The following RBFOX1 variants were observed in gnomAD, a reference collection of about 807,000 sequenced individuals.
The protein encoded by RBFOX1 is RNA binding fox-1 homolog 1.
RBFOX1 carries 8 observed loss-of-function variants against 57.7 expected under a neutral mutation model. The ratio of observed to expected loss-of-function variants is 0.14; its 90% CI spans 0.08 to 0.25. The LOEUF is 0.25. Among genes scored for constraint, RBFOX1 ranks in the 10% least tolerant of loss-of-function variants. The probability of loss-of-function intolerance (pLI) is 1.00; values close to 1 mark genes in which losing one functional copy is unlikely to be tolerated. For missense variants in RBFOX1, 611 were observed against 548.5 expected (o/e 1.11, Z -1.14); for synonymous variants, 326 against 222.4 (o/e 1.47, Z -4.15).
intron 3 of RBFOX1, among the ~76,000 whole-genome samples, chr16:6,951,593 C>T (rs926362926): frequency 6.6e-6 from 1 of 152,090 alleles, no homozygotes; most frequent in East Asian, 1.9e-4. Context: ...ACCTTGTTCT[C>T]ATCTCTCCAT....
chr16:6,839,218 C>G lies in RBFOX1; in HGVS notation c.-16+184568C>G, dbSNP rs1159705582. On this transcript the variant is annotated intron_variant, in intron 3 of 15. Transcript: ENST00000550418. ...CAGGCTGTTCTCGAATTCCTGACCT[C>G]AAGTGATCCACCCGCCTCAGCCCCC... Among the ~76,000 whole-genome samples the G allele has an allele frequency of 3.3e-5, 5 of 152,112 alleles. No individual in the cohort carries two copies. The East Asian group carries it at 7.8e-4, about 24-fold the overall frequency.
chr16:6,431,337 G>A (rs2226119), intron 2 of RBFOX1, among the ~76,000 whole-genome samples: 9,002 of 151,912 alleles, frequency 0.059, 855 homozygotes, highest in African/African-American at 0.2. Flanking sequence ...GAGGCAGGTG[G>A]ATGGCAACAG....
Position 5,758,677 on chromosome 16 carries a change from A to G in RBFOX1, c.319-108626A>G, listed in dbSNP as rs143187407. Among the ~76,000 whole-genome samples, 1,359 of 152,300 alleles carry G rather than the reference A, an allele frequency of 8.9e-3. 5 individuals are homozygous for G. Among genetic ancestry groups the G allele is most frequent in the Middle Eastern group, 0.014 (4 of 294 alleles). On this transcript the variant is annotated intron_variant, in intron 3 of 19. Coordinates refer to the RBFOX1 transcript ENST00000641259. ...GAGCACAGTTCTGGTGATCACTAATAAAGAAATGATGTGTTGTAAGTACAA... is the reference window on the plus strand; with the variant it reads ...GAGCACAGTTCTGGTGATCACTAATGAAGAAATGATGTGTTGTAAGTACAA...
At chr16:6,445,665 C>T (rs1051710451) in intron 2 of RBFOX1, among the ~76,000 whole-genome samples, 1 of 151,692 alleles carries the variant, frequency 6.6e-6, no homozygotes, top group South Asian at 2.1e-4. Flanking sequence ...TCACAGCAAC[C>T]TCCACCCCCT....
At chr16:7,464,266 T>C (rs11077179) in intron 4 of RBFOX1, among the ~76,000 whole-genome samples, 83,703 of 152,088 alleles carry the variant, frequency 0.55, 23,364 homozygotes, top group East Asian at 0.76. Flanking sequence ...AGTTTAGCCA[T>C]TGGAGCTCCC....
At chr16:6,772,064 T>C (rs73528875) in intron 3 of RBFOX1, among the ~76,000 whole-genome samples, 69 of 152,286 alleles carry the variant, frequency 4.5e-4, no homozygotes, top group African/African-American at 1.6e-3. Context: ...AGGTGCTGTA[T>C]GATTTCTGTG....
At chr16:5,300,992 C>A (rs184308046) in intron 1 of RBFOX1, among the ~76,000 whole-genome samples, 113 of 152,284 alleles carry the variant, frequency 7.4e-4, no homozygotes, top group Admixed American at 7.4e-3. Flanking sequence ...GTAGGTAGCG[C>A]TCAAAGTGGC....
chr16:6,518,848 TGTC>T (rs1166102243), intron 2 of RBFOX1, among the ~76,000 whole-genome samples: 5 of 52,990 alleles, frequency 9.4e-5, no homozygotes, highest in Non-Finnish European at 2.1e-4. Context: ...TCTATCTATC[TGTC>T]TTCCTGCAGA....
chr16:6,098,386 C>T (rs773739883), intron 1 of RBFOX1, among the ~76,000 whole-genome samples: 1 of 152,216 alleles, frequency 6.6e-6, no homozygotes, highest in Non-Finnish European at 1.5e-5. Context: ...CCTGTTAAGC[C>T]TCTTCCTGTC....
At chr16:5,979,810 C>T (rs1048982376) in intron 4 of RBFOX1, among the ~76,000 whole-genome samples, 9 of 151,882 alleles carry the variant, frequency 5.9e-5, no homozygotes, top group African/African-American at 2.2e-4. Flanking sequence ...TGCAGTGCGC[C>T]GAGATCGTAC....
At chr16:5,800,689 T>C (rs999089624) in intron 3 of RBFOX1, among the ~76,000 whole-genome samples, 1 of 152,096 alleles carries the variant, frequency 6.6e-6, no homozygotes, top group Non-Finnish European at 1.5e-5. Flanking sequence ...AGGAATAAAG[T>C]GTTGTCCCTG....
chr16:7,019,384 A>C (rs1597168256), intron 3 of RBFOX1, among the ~76,000 whole-genome samples: 2 of 152,154 alleles, frequency 1.3e-5, no homozygotes, highest in Middle Eastern at 3.4e-3. Context: ...GACTTCATGA[A>C]AGTATGTGTG....
At chr16:7,345,062 A>G (rs2096968960) in intron 4 of RBFOX1, among the ~76,000 whole-genome samples, 1 of 152,172 alleles carries the variant, frequency 6.6e-6, no homozygotes, top group Non-Finnish European at 1.5e-5. Context: ...CACTGCTGGG[A>G]CTGGGTCTTG....
intron 2 of RBFOX1, among the ~76,000 whole-genome samples, chr16:5,531,685 G>A (rs2151035460): frequency 6.6e-6 from 1 of 152,304 alleles, no homozygotes; most frequent in African/African-American, 2.4e-5. Flanking sequence ...ATGTGTTTAA[G>A]GTACTCAAAG....
At chr16:5,966,091 T>A (rs2059838464) in intron 4 of RBFOX1, among the ~76,000 whole-genome samples, 1 of 152,228 alleles carries the variant, frequency 6.6e-6, no homozygotes, top group South Asian at 2.1e-4. Flanking sequence ...TTTTTTCAGA[T>A]GTACTATATT....
chr16:7,449,626 C>T (rs11644672), intron 4 of RBFOX1, among the ~76,000 whole-genome samples: 2 of 150,936 alleles, frequency 1.3e-5, no homozygotes, highest in African/African-American at 4.9e-5. Flanking sequence ...CTGCACATCC[C>T]CAGTGCCTGA....
intron 1 of RBFOX1, among the ~76,000 whole-genome samples, chr16:5,444,511 C>T (rs138805421): frequency 0.012 from 1,896 of 152,260 alleles, 29 homozygotes; most frequent in South Asian, 0.015. Flanking sequence ...GTCAGCTCTG[C>T]GGAACTGGCC....
intron 4 of RBFOX1, among the ~76,000 whole-genome samples, chr16:7,138,843 C>A (rs1054875059): frequency 4.6e-5 from 7 of 152,196 alleles, no homozygotes; most frequent in Non-Finnish European, 7.3e-5. Context: ...GAGTCTGGCT[C>A]TGCTGCCTAG....
chr16:7,705,212 G>C (rs2082048930), intron 14 of RBFOX1, among the ~76,000 whole-genome samples: 1 of 151,484 alleles, frequency 6.6e-6, no homozygotes, highest in Non-Finnish European at 1.5e-5. Context: ...GAACGATCAA[G>C]AAAGCCTGTG....
Sources: gnomAD v4.1 joint callset for allele counts (sites outside exome capture counted in the v4.1 genomes callset) on GRCh38, gnomAD v4.1.1 for gene constraint, MANE v1.5 for transcripts, NCBI Gene and HGNC (gene_info 2026-07-23, HGNC 2026-07-21) for gene names.